The following TRPM2 variants were observed in gnomAD, a reference collection of about 807,000 sequenced individuals.
TRPM2 encodes transient receptor potential cation channel subfamily M member 2.
Under a neutral mutation model 174.0 loss-of-function variants are expected in TRPM2, and 161 were observed. The observed-to-expected ratio is 0.93, with a 90% CI of 0.81 to 1.05. The LOEUF (loss-of-function observed/expected upper bound fraction) is 1.05, where lower values mean the gene tolerates loss of function less well. TRPM2 is among the 50% of genes least tolerant of loss of function. The pLI is 0.00. For missense variants in TRPM2, 2,057 were observed against 2,038.0 expected (o/e 1.01, Z -0.18); for synonymous variants, 954 against 861.3 (o/e 1.11, Z -1.88).
At position 44,438,694 on chromosome 21, in the gene TRPM2, G is replaced by A. The variant is rs1400439598; in HGVS notation, c.4168-373G>A. On this transcript the variant is annotated intron_variant, in intron 29 of 31. Transcript: ENST00000397928. The surrounding 1 kb of genome is among the most constrained non-coding windows in gnomAD (Gnocchi z 5.9). Reference sequence around the variant, plus strand: ...GGAATGCAAACAGGGAACCCGCCGTGGCAGCCTGCTGCACTGGGCGGGAGC... The same window carrying A: ...GGAATGCAAACAGGGAACCCGCCGTAGCAGCCTGCTGCACTGGGCGGGAGC... Among the ~76,000 whole-genome samples the A allele has an allele frequency of 6.6e-6, 1 of 152,190 alleles. No homozygotes were observed. Among genetic ancestry groups the A allele is most frequent in the African/African-American group, 2.4e-5 (1 of 41,440 alleles).
At chr21:44,414,512 G>A (rs1195534107) in intron 20 of TRPM2, 1 of 170,052 alleles carries the variant, frequency 5.9e-6, no homozygotes, top group Non-Finnish European at 1.3e-5. Flanking sequence ...CACCCCAAGG[G>A]CTCTGCCTGT....
At chr21:44,398,334 G>A (rs1429232315) in intron 13 of TRPM2, among the ~76,000 whole-genome samples, 3 of 151,890 alleles carry the variant, frequency 2.0e-5, no homozygotes, top group Non-Finnish European at 2.9e-5. Flanking sequence ...CCGAGTAGCT[G>A]GGATTACAGC....
intron 22 of TRPM2, 105 bp from the exon 23 acceptor site, chr21:44,423,540 C>T: frequency 1.1e-6 from 1 of 922,540 alleles, no homozygotes; most frequent in Admixed American, 2.0e-5. Flanking sequence ...AAGGCTGACA[C>T]AGGGCCTTGG....
In TRPM2 at chr21:44,410,273, G is replaced by A. The variant is rs1246718271; in HGVS notation, c.2962+3508G>A. 4.8e-5 allele frequency among the ~76,000 whole-genome samples: 4 copies of A among 84,002 alleles called. 1 individual carries two copies. The highest frequency in any genetic ancestry group is 4.3e-4 in the East Asian group (1 of 2,342). 55.1% of individuals were successfully genotyped at this position (84,002 alleles called of 152,430 possible). A position where few individuals can be genotyped will look rare whatever the true frequency, so the allele number is the denominator to read the frequency against. ...TGAGTTTTGACTGCACTGTCTTGGC[G>A]TAGCCTTGTAGTAAGTTTTGACTGC... On this transcript the variant is annotated intron_variant, in intron 19 of 31. Coordinates refer to ENST00000397928, the MANE Select transcript of TRPM2 (RefSeq NM_003307.4).
chr21:44,391,227 G>T lies in TRPM2; in HGVS notation c.1441-45G>T. On this transcript the variant is annotated intron_variant, in intron 10 of 31. Coordinates refer to ENST00000397928, the MANE Select transcript of TRPM2 (RefSeq NM_003307.4). The surrounding 1 kb of genome is among the most constrained non-coding windows in gnomAD (Gnocchi z 5.0). ...GGTCTTTGAGATCAGGATGACATGG[G>T]GTGATGACCAAATGCAACCGTCACT... 1.3e-6 allele frequency: 2 copies of T among 1,572,426 alleles called. No homozygotes were observed. Among genetic ancestry groups the T allele is most frequent in the Non-Finnish European group, 1.7e-6 (2 of 1,152,250 alleles).
chr21:44,391,401 G>C lies in TRPM2; in HGVS notation c.1570G>C (p.Glu524Gln), dbSNP rs867553137. Reference protein sequence around the residue: ...VTWDTLLYLYENLDPSCLFHS... With the variant: ...VTWDTLLYLYQNLDPSCLFHS... ...CTGGGACACCTTGCTCTACCTGTAC[G>C]AGAACCTGGACCCCTCCTGCCTGTT... Residue 524 changes from glutamate (E) to glutamine (Q), a missense_variant, in exon 11 of 32, where the codon GAG (glutamate) becomes CAG (glutamine). Glu to Gln is a conservative substitution (Grantham distance 29). Transcript: ENST00000397928. The surrounding 1 kb of genome is among the most constrained non-coding windows in gnomAD (Gnocchi z 5.0). The C allele has an allele frequency of 5.6e-6, 9 of 1,614,112 alleles. No individual in the cohort carries two copies. The highest frequency in any genetic ancestry group is 1.6e-4 in the Middle Eastern group (1 of 6,062).
At chr21:44,433,546 G>A (rs969284599) in intron 27 of TRPM2, among the ~76,000 whole-genome samples, 2 of 152,198 alleles carry the variant, frequency 1.3e-5, no homozygotes, top group African/African-American at 2.4e-5. Context: ...AGTGAGAGAC[G>A]GGCTTGGGGT....
intron 8 of TRPM2, among the ~76,000 whole-genome samples, chr21:44,380,678 A>T (rs1460889456): frequency 1.3e-5 from 2 of 152,130 alleles, no homozygotes; most frequent in African/African-American, 4.8e-5. Flanking sequence ...GTGTCCGTCT[A>T]CACTGTGGAG....
chr21:44,420,990 G>A (rs915067657), intron 22 of TRPM2, among the ~76,000 whole-genome samples: 5 of 152,174 alleles, frequency 3.3e-5, no homozygotes, highest in African/African-American at 1.2e-4. Flanking sequence ...CAACTTTGCA[G>A]CCTCCTGCCT....
In TRPM2 at chr21:44,399,038, T is replaced by C. The variant is rs546647900; in HGVS notation, c.2063-258T>C. The stretch of plus-strand genomic sequence containing the variant: ...CTTGGAGGTTAGAGGCAAGATGGAG[T>C]CCATTAGGTCAGTTCTCGGTCCCTG... On this transcript the variant is annotated intron_variant, in intron 13 of 31. Coordinates refer to ENST00000397928, the MANE Select transcript of TRPM2 (RefSeq NM_003307.4). The surrounding 1 kb of genome is among the most constrained non-coding windows in gnomAD (Gnocchi z 4.6). Among the ~76,000 whole-genome samples, 81 of 151,994 alleles carry C rather than the reference T, an allele frequency of 5.3e-4. No individual in the cohort carries two copies. Among genetic ancestry groups the C allele is most frequent in the Admixed American group, 9.2e-4 (14 of 15,268 alleles).
intron 9 of TRPM2, among the ~76,000 whole-genome samples, chr21:44,387,313 C>A (rs914966983): frequency 6.6e-6 from 1 of 152,206 alleles, no homozygotes; most frequent in African/African-American, 2.4e-5. Flanking sequence ...GAGGGACAGT[C>A]TTTTCAACAA....
At chr21:44,390,365 T>C (rs2049137192) in intron 9 of TRPM2, among the ~76,000 whole-genome samples, 2 of 152,198 alleles carry the variant, frequency 1.3e-5, no homozygotes, top group Admixed American at 6.5e-5. Context: ...AGTTCTTTTT[T>C]CTTTTTCCCC....
chr21:44,425,895 C>G, intron 25 of TRPM2, 68 bp downstream of exon 25: 4 of 1,425,772 alleles, frequency 2.8e-6, no homozygotes, highest in Non-Finnish European at 3.7e-6. Context: ...GCGGCCCTGT[C>G]CCCATCCATC....
chr21:44,435,143 C>A lies in TRPM2; in HGVS notation c.3987C>A (p.Gly1329=). The change falls in exon 28 of 32, where the codon GGC becomes GGA. Residue 1329 remains glycine, a synonymous_variant. Transcript: ENST00000397928. ...CTCTGCATCCCAGGAACCCCATGGG[C>A]CGCACAGGACTGCGTGGGCGCGGGA... is the stretch of plus-strand genomic sequence containing the variant. ...VQAGLPLNPM[G]RTGLRGRGSL... The A allele has an allele frequency of 1.9e-6, 3 of 1,612,976 alleles. No individual in the cohort carries two copies. Among genetic ancestry groups the A allele is most frequent in the Non-Finnish European group, 2.5e-6 (3 of 1,179,222 alleles).
At chr21:44,404,686 GTGA>G (rs762655067) in intron 16 of TRPM2, among the ~76,000 whole-genome samples, 14 of 151,692 alleles carry the variant, frequency 9.2e-5, no homozygotes, top group African/African-American at 2.2e-4. Flanking sequence ...GACTGTGATT[GTGA>G]TGATGATAGT....
At chr21:44,355,518 T>C (rs563941213) in intron 2 of TRPM2, among the ~76,000 whole-genome samples, 3 of 152,356 alleles carry the variant, frequency 2.0e-5, no homozygotes, top group African/African-American at 7.2e-5. Flanking sequence ...TCCGTGACTA[T>C]ACAACCTCTA....
intron 15 of TRPM2, 79 bp downstream of exon 15, chr21:44,400,450 C>T (rs2146277564): frequency 5.7e-6 from 7 of 1,225,022 alleles, no homozygotes; most frequent in Non-Finnish European, 8.1e-6. Context: ...AGGATCTTCC[C>T]TAGATCCCCT....
At chr21:44,380,276 CAGG>C (rs1214555010) in intron 8 of TRPM2, among the ~76,000 whole-genome samples, 6 of 152,152 alleles carry the variant, frequency 3.9e-5, no homozygotes, top group Non-Finnish European at 8.8e-5. Context: ...TTTTGTCCGG[CAGG>C]AGAATAACAT....
intron 4 of TRPM2, 48 bp from the exon 5 acceptor site, chr21:44,369,129 G>GA (rs1569023811): frequency 7.3e-7 from 1 of 1,366,356 alleles, no homozygotes; most frequent in Non-Finnish European, 9.4e-7. Context: ...CTGGGTGTCA[G>GA]GTGCCCCTCA....
Sources: gnomAD v4.1 joint callset for allele counts (sites outside exome capture counted in the v4.1 genomes callset) on GRCh38, gnomAD v4.1.1 for gene constraint, Gnocchi (gnomAD v3.1) non-coding constraint, MANE v1.5 for transcripts, NCBI Gene and HGNC (gene_info 2026-07-23, HGNC 2026-07-21) for gene names.